The following TPPP variants were observed in gnomAD, a reference collection of about 807,000 sequenced individuals.
TPPP encodes the protein tubulin polymerization-promoting protein.
A neutral mutation model predicts 15.5 loss-of-function variants in TPPP; 6 were observed. The observed-to-expected ratio is 0.39, with a 90% confidence interval of 0.21 to 0.77. The LOEUF is 0.77. Among genes scored for constraint, TPPP ranks in the 30% least tolerant of loss-of-function variants. TPPP has a pLI of 0.42. For missense variants in TPPP, 269 were observed against 307.2 expected, an observed-to-expected ratio of 0.88 and a Z score of 0.93; for synonymous variants, 146 against 133.9, an observed-to-expected ratio of 1.09 and a Z score of -0.63.
intron 2 of TPPP, chr5:667,018 G>A (rs1241170505): frequency 5.3e-5 from 8 of 152,202 alleles, no homozygotes; most frequent in African/African-American, 1.9e-4. Flanking sequence ...GCATTCCGAG[G>A]GCACTCCCAG....
intron 1 of TPPP, among the ~76,000 whole-genome samples, chr5:683,009 C>T (rs1190665346): frequency 2.0e-5 from 3 of 151,632 alleles, no homozygotes; most frequent in African/African-American, 7.3e-5. Context: ...GAACCTCTGT[C>T]CTGGTCACAA....
chr5:666,040 C>T lies in TPPP; in HGVS notation c.395G>A (p.Ser132Asn), dbSNP rs150708894. 1.4e-4 allele frequency: 220 copies of T among 1,611,636 alleles called. No homozygotes were observed. Among genetic ancestry groups the T allele is most frequent in the Non-Finnish European group, 1.7e-4 (195 of 1,179,672 alleles). Residue 132 changes from serine (S) to asparagine (N), a missense_variant, in exon 3 of 4, where the codon AGC becomes AAC. Coordinates refer to ENST00000360578, the MANE Select transcript of TPPP (RefSeq NM_007030.3). ...CACCTCGCGAACGGCCTCCTCGCTG[C>T]TCTTGTCTTTGAATCGCTTCTTGGC... ...ELAKKRFKDK[S>N]SEEAVREVHR... is the part of the protein sequence containing the mutation.
rs1295028318 is a variant in TPPP, at chr5:663,050, C to T, written c.*2052G>A. 1 of 132,796 alleles carries T rather than the reference C, an allele frequency of 7.5e-6. No individual in the cohort carries two copies. Among genetic ancestry groups the T allele is most frequent in the Non-Finnish European group, 1.7e-5 (1 of 60,476 alleles). 8.2% of individuals were successfully genotyped at this position (132,796 alleles called of 1,614,324 possible). The stretch of plus-strand genomic sequence containing the variant: ...TGATCGGGTGAGTCCGATGACTGCT[C>T]GTCTGTGATCGGGTGATTCCGATGA... On this transcript the variant is annotated 3_prime_UTR_variant, in exon 4 of 4. Transcript: ENST00000360578.
In TPPP at chr5:664,064, G is replaced by T. The variant is rs892365274; in HGVS notation, c.*1038C>A. ...CCCCACAGACACTGCAGGACTGGGG[G>T]TCCTCCCTAGTGTCCTGCTCTCCGG... On this transcript the variant is annotated 3_prime_UTR_variant, in exon 4 of 4. Coordinates refer to ENST00000360578, the MANE Select transcript of TPPP (RefSeq NM_007030.3). 6.6e-5 allele frequency: 10 copies of T among 152,470 alleles called. No individual in the cohort carries two copies. The highest frequency in any genetic ancestry group is 1.9e-4 in the African/African-American group (8 of 41,438). 9.4% of individuals were successfully genotyped at this position (152,470 alleles called of 1,614,324 possible). A position where few individuals can be genotyped will look rare whatever the true frequency, so the allele number is the denominator to read the frequency against.
At chr5:665,335 G>C in intron 3 of TPPP, 39 bp from the exon 4 acceptor site, 3 of 1,571,996 alleles carry the variant, frequency 1.9e-6, no homozygotes, top group East Asian at 2.3e-5. Context: ...GGTGAGTTGC[G>C]AGCCAGGTGA....
intron 1 of TPPP, among the ~76,000 whole-genome samples, chr5:679,237 C>A (rs1740550095): frequency 6.6e-6 from 1 of 152,100 alleles, no homozygotes; most frequent in Non-Finnish European, 1.5e-5. Context: ...CAAATTCCCC[C>A]AAAACAGCCA....
At chr5:695,557 C>G (rs1327454239), upstream of TPPP, among the ~76,000 whole-genome samples, 14 of 149,820 alleles carry the variant, frequency 9.3e-5, no homozygotes, top group African/African-American at 3.5e-4. Context: ...GCTTAGGAGG[C>G]CAGAAGTCCG....
chr5:676,811 AAC>A (rs991690337), intron 2 of TPPP, among the ~76,000 whole-genome samples: 25 of 151,746 alleles, frequency 1.6e-4, no homozygotes, highest in Admixed American at 3.9e-4. Context: ...CACATGCAGA[AAC>A]ACATGCACAC....
At chr5:677,684 C>T (rs1476184849) in intron 2 of TPPP, 66 bp downstream of exon 2, 1 of 1,459,854 alleles carries the variant, frequency 6.9e-7, no homozygotes, top group African/African-American at 1.4e-5. Flanking sequence ...CAGAACCCAC[C>T]CAGGGGCTCA....
chr5:661,112 C>G lies in TPPP; in HGVS notation c.*3990G>C, dbSNP rs937055088. 2 of 152,336 alleles carry G rather than the reference C, an allele frequency of 1.3e-5. No homozygotes were observed. The highest frequency in any genetic ancestry group is 4.8e-5 in the African/African-American group (2 of 41,422). 9.4% of individuals were successfully genotyped at this position (152,336 alleles called of 1,614,324 possible). ...AAATAAATAAGCACTCTGGCGTGAA[C>G]AGTCTTCTCAGCGCTCTCCCTCTGC... On this transcript the variant is annotated 3_prime_UTR_variant, in exon 4 of 4. Transcript: ENST00000360578.
chr5:661,310 T>TGTCACCCCCAACAGAAC lies in TPPP; in HGVS notation c.*3791_*3792insGTTCTGTTGGGGGTGAC, dbSNP rs1739588196. The stretch of plus-strand genomic sequence containing the variant: ...CCCGACAGAACCTGTCCCTGTCTCC[T>TGTCACCCCCAACAGAAC]CTTGTCACCCCCAACAGAACCTGTC... On this transcript the variant is annotated 3_prime_UTR_variant, in exon 4 of 4. Transcript: ENST00000360578. The TGTCACCCCCAACAGAAC allele has an allele frequency of 7.3e-6, 1 of 136,856 alleles. No individual in the cohort carries two copies. The highest frequency in any genetic ancestry group is 1.6e-5 in the Non-Finnish European group (1 of 62,992). 8.5% of individuals were successfully genotyped at this position (136,856 alleles called of 1,614,324 possible). A position where few individuals can be genotyped will look rare whatever the true frequency, so the allele number is the denominator to read the frequency against.
rs1227613468 is a variant in TPPP, at chr5:673,926, TGCATGTGTGTGCAG to T, written c.311+3810_311+3823del. Among the ~76,000 whole-genome samples the T allele has an allele frequency of 5.3e-5, 8 of 152,360 alleles. No individual in the cohort carries two copies. The East Asian group carries it at 1.5e-3, about 29-fold the overall frequency. ...GCCCCACCCACCGCAGGGAGAGTTCTGCATGTGTGTGCAGGCGTGTGTGTGCACATGCGGCCATG... is the reference window on the plus strand; with the variant it reads ...GCCCCACCCACCGCAGGGAGAGTTCTGCGTGTGTGTGCACATGCGGCCATG... On this transcript the variant is annotated intron_variant, in intron 2 of 3. Coordinates refer to ENST00000360578, the MANE Select transcript of TPPP (RefSeq NM_007030.3).
At chr5:676,936 A>G (rs1384492221) in intron 2 of TPPP, among the ~76,000 whole-genome samples, 2 of 150,266 alleles carry the variant, frequency 1.3e-5, no homozygotes. Context: ...GCACGCGCGC[A>G]CACGACGCAG....
Position 661,311 on chromosome 5 carries a change from CTT to C in TPPP, c.*3789_*3790del, listed in dbSNP as rs1739588749. Reference sequence around the variant, plus strand: ...CCGACAGAACCTGTCCCTGTCTCCTCTTGTCACCCCCAACAGAACCTGTCCCT... The same window carrying C: ...CCGACAGAACCTGTCCCTGTCTCCTCGTCACCCCCAACAGAACCTGTCCCT... On this transcript the variant is annotated 3_prime_UTR_variant, in exon 4 of 4. Coordinates refer to ENST00000360578, the MANE Select transcript of TPPP (RefSeq NM_007030.3). The C allele has an allele frequency of 8.1e-5, 5 of 61,448 alleles. No homozygotes were observed. Among genetic ancestry groups the C allele is most frequent in the Admixed American group, 3.7e-4 (2 of 5,406 alleles). The allele number at this position is 61,448 out of a possible 1,614,324, so 3.8% of individuals were successfully genotyped here.
At chr5:700,713 C>T in the TPPP span, among the ~76,000 whole-genome samples, 2 of 151,944 alleles carry the variant, frequency 1.3e-5, no homozygotes, top group African/African-American at 2.4e-5. Flanking sequence ...CGTCATAAAT[C>T]AACTCTTCAT....
At chr5:698,768 C>T in the TPPP span, among the ~76,000 whole-genome samples, 168 of 151,904 alleles carry the variant, frequency 1.1e-3, no homozygotes, top group African/African-American at 3.9e-3. Flanking sequence ...CACAGCCAAA[C>T]CGTATTACGA....
At chr5:695,998 G>A (rs1177668392), upstream of TPPP, among the ~76,000 whole-genome samples, 12 of 108,310 alleles carry the variant, frequency 1.1e-4, no homozygotes, top group Non-Finnish European at 6.1e-5. Flanking sequence ...TTCTGCGTCC[G>A]CAGTTGGGAG....
chr5:670,684 T>C (rs1740189823), intron 2 of TPPP, among the ~76,000 whole-genome samples: 1 of 152,102 alleles, frequency 6.6e-6, no homozygotes, highest in African/African-American at 2.4e-5. Flanking sequence ...GGTCCAGTGG[T>C]CCCGTTCCAG....
At chr5:699,924 T>C in the TPPP span, among the ~76,000 whole-genome samples, 1 of 151,650 alleles carries the variant, frequency 6.6e-6, no homozygotes, top group Non-Finnish European at 1.5e-5. Flanking sequence ...AGAATGGCTA[T>C]TATTAAAGTC....
Sources: allele counts gnomAD v4.1 joint callset (sites outside exome capture counted in the v4.1 genomes callset), GRCh38; gene constraint gnomAD v4.1.1; transcripts MANE v1.5; gene names NCBI Gene and HGNC (gene_info 2026-07-23, HGNC 2026-07-21).